The following CPQ variants were observed in gnomAD, a reference collection of about 807,000 sequenced individuals.
The protein encoded by CPQ is Ser-Met dipeptidase.
In CPQ, 37 loss-of-function variants were observed where a neutral mutation model predicts 45.7. That is an observed-to-expected ratio of 0.81 (90% CI 0.62 to 1.07). The LOEUF is 1.07. Ranked by LOEUF, CPQ falls within the 50% of genes least tolerant of loss-of-function variation. The pLI, the probability that CPQ is intolerant of heterozygous loss-of-function variation, is 0.00. For synonymous variants in CPQ, 186 were observed against 205.8 expected (o/e 0.90, Z 0.82); for missense variants, 537 against 572.9 (o/e 0.94, Z 0.64).
chr8:97,002,617 G>T (rs546647070), intron 5 of CPQ, among the ~76,000 whole-genome samples: 2 of 152,254 alleles, frequency 1.3e-5, no homozygotes, highest in African/African-American at 2.4e-5. Context: ...TTGTGTTGTG[G>T]TCCAAGAGAC....
At chr8:96,860,980 T>A (rs1263258446) in intron 3 of CPQ, among the ~76,000 whole-genome samples, 1 of 152,158 alleles carries the variant, frequency 6.6e-6, no homozygotes, top group African/African-American at 2.4e-5. Flanking sequence ...GTACTGACAG[T>A]TTAACTCTTT....
chr8:96,976,859 C>G (rs1212552247), intron 5 of CPQ, among the ~76,000 whole-genome samples: 1 of 151,956 alleles, frequency 6.6e-6, no homozygotes, highest in Non-Finnish European at 1.5e-5. Flanking sequence ...CAAGATGGAA[C>G]AAAAACTTAA....
intron 2 of CPQ, among the ~76,000 whole-genome samples, chr8:96,808,476 T>C (rs1811114385): frequency 1.3e-5 from 2 of 152,134 alleles, no homozygotes; most frequent in East Asian, 1.9e-4. Flanking sequence ...GTCTTTCTGA[T>C]ATTGTTTTCT....
intron 7 of CPQ, among the ~76,000 whole-genome samples, chr8:97,073,413 G>A (rs969350758): frequency 3.9e-5 from 6 of 152,136 alleles, no homozygotes; most frequent in African/African-American, 7.2e-5. Flanking sequence ...GCAGCCCAGC[G>A]GCTCTATATC....
At chr8:96,758,530 T>C (rs540475938) in intron 1 of CPQ, among the ~76,000 whole-genome samples, 4 of 152,292 alleles carry the variant, frequency 2.6e-5, no homozygotes, top group African/African-American at 4.8e-5. Context: ...TGCCAGTCAA[T>C]GAAGGTGTGT....
chr8:96,986,600 T>C (rs1022881145), intron 5 of CPQ, among the ~76,000 whole-genome samples: 2 of 152,078 alleles, frequency 1.3e-5, no homozygotes, highest in African/African-American at 2.4e-5. Context: ...TACTCTGAAA[T>C]TGGATTTCCA....
intron 1 of CPQ, among the ~76,000 whole-genome samples, chr8:96,691,437 G>T (rs1001097902): frequency 2.0e-5 from 3 of 152,062 alleles, no homozygotes; most frequent in African/African-American, 7.2e-5. Flanking sequence ...AAGTACTAGG[G>T]GTTAGGACAT....
intron 6 of CPQ, among the ~76,000 whole-genome samples, chr8:97,042,814 C>G (rs1236188518): frequency 1.3e-5 from 2 of 152,062 alleles, no homozygotes. Context: ...GTTTCTTAAT[C>G]CTGAGTTCCA....
chr8:96,718,881 C>T (rs1809723746), intron 1 of CPQ, among the ~76,000 whole-genome samples: 1 of 152,148 alleles, frequency 6.6e-6, no homozygotes, highest in African/African-American at 2.4e-5. Flanking sequence ...ATTCACAAAC[C>T]CTGAGCTAGA....
intron 1 of CPQ, among the ~76,000 whole-genome samples, chr8:96,719,158 C>T (rs1461800997): frequency 1.3e-5 from 2 of 152,320 alleles, no homozygotes; most frequent in East Asian, 1.9e-4. Context: ...TGGGGAGGCT[C>T]AGGCCACACA....
At chr8:96,648,416 C>T (rs1340976721) in intron 1 of CPQ, among the ~76,000 whole-genome samples, 1 of 152,198 alleles carries the variant, frequency 6.6e-6, no homozygotes, top group Admixed American at 6.5e-5. Flanking sequence ...TAAAAACAAA[C>T]AACCCATTCA....
At chr8:96,675,057 A>C (rs1487531206) in intron 1 of CPQ, among the ~76,000 whole-genome samples, 1 of 152,068 alleles carries the variant, frequency 6.6e-6, no homozygotes, top group African/African-American at 2.4e-5. Context: ...TTGAGAATTG[A>C]GAAGATGCAT....
intron 7 of CPQ, among the ~76,000 whole-genome samples, chr8:97,129,086 A>G (rs1811894186): frequency 6.6e-6 from 1 of 152,214 alleles, no homozygotes; most frequent in Admixed American, 6.5e-5. Context: ...GAATCAGAAG[A>G]AAGAGAAGGA....
At chr8:96,955,000 T>G (rs376106511) in intron 4 of CPQ, among the ~76,000 whole-genome samples, 1 of 152,180 alleles carries the variant, frequency 6.6e-6, no homozygotes, top group Non-Finnish European at 1.5e-5. Context: ...TCTATCATTG[T>G]TGGACATTTG....
rs373925483 is a variant in CPQ, at chr8:96,938,399, A to C, written c.850-27536A>C. Among the ~76,000 whole-genome samples the C allele has an allele frequency of 2.0e-5, 3 of 152,322 alleles. No homozygotes were observed. The East Asian group carries it at 5.8e-4, about 29-fold the overall frequency. ...GTGACAGAGCAGGACCCTGGTCTCT[A>C]AACAACAACAGCAACAAAACCAAAT... On this transcript the variant is annotated intron_variant, in intron 4 of 7. Coordinates refer to ENST00000220763, the MANE Select transcript of CPQ (RefSeq NM_016134.4).
chr8:97,027,339 T>C (rs1426514631), intron 5 of CPQ, among the ~76,000 whole-genome samples: 2 of 152,216 alleles, frequency 1.3e-5, no homozygotes, highest in Non-Finnish European at 2.9e-5. Context: ...TTTGGAAGAA[T>C]TTCCTCTCTG....
At chr8:97,094,553 A>G (rs1297451417) in intron 7 of CPQ, among the ~76,000 whole-genome samples, 1 of 151,070 alleles carries the variant, frequency 6.6e-6, no homozygotes, top group South Asian at 2.1e-4. Flanking sequence ...AAACCAGCCC[A>G]CTCTCCATCC....
intron 7 of CPQ, among the ~76,000 whole-genome samples, chr8:97,136,483 T>TCAATCA (rs1812061313): frequency 6.6e-6 from 1 of 152,222 alleles, no homozygotes; most frequent in South Asian, 2.1e-4. Context: ...ATTAGCCCTG[T>TCAATCA]TTGCTGATTG....
chr8:97,135,087 C>T (rs7012690), intron 7 of CPQ, among the ~76,000 whole-genome samples: 3,265 of 152,270 alleles, frequency 0.021, 100 homozygotes, highest in African/African-American at 0.073. Flanking sequence ...TTGACCTAAA[C>T]TATTTGGTCA....
Sources: gnomAD v4.1 joint callset for allele counts (sites outside exome capture counted in the v4.1 genomes callset) on GRCh38, gnomAD v4.1.1 for gene constraint, MANE v1.5 for transcripts, NCBI Gene and HGNC (gene_info 2026-07-23, HGNC 2026-07-21) for gene names.